Variants in AGTR1 observed in about 807,000 individuals in gnomAD.
AGTR1 encodes angiotensin II receptor type 1.
A neutral mutation model predicts 19.4 loss-of-function variants in AGTR1; 16 were observed. That is an observed-to-expected ratio of 0.82 (90% CI 0.56 to 1.25). AGTR1 has a LOEUF of 1.25. Ranked by LOEUF, AGTR1 falls within the 50% of genes most tolerant of loss-of-function variation. The probability of loss-of-function intolerance (pLI) is 0.00; values close to 1 mark genes in which losing one functional copy is unlikely to be tolerated. For missense variants in AGTR1, 373 were observed against 431.9 expected (o/e 0.86, Z 1.21); for synonymous variants, 153 against 154.9 (o/e 0.99, Z 0.09).
intron 2 of AGTR1, among the ~76,000 whole-genome samples, chr3:148,717,726 G>A (rs1018956908): frequency 6.6e-6 from 1 of 152,070 alleles, no homozygotes; most frequent in Non-Finnish European, 1.5e-5. Context: ...ACCAGCCATC[G>A]GCAGAAATGT....
chr3:148,728,264 C>G (rs926261569), intron 2 of AGTR1, among the ~76,000 whole-genome samples: 1 of 152,108 alleles, frequency 6.6e-6, no homozygotes, highest in African/African-American at 2.4e-5. Context: ...TCATAGGTCT[C>G]TTGTAGAAAT....
At chr3:148,717,352 C>T (rs1713362713) in intron 2 of AGTR1, among the ~76,000 whole-genome samples, 1 of 152,052 alleles carries the variant, frequency 6.6e-6, no homozygotes, top group Non-Finnish European at 1.5e-5. Context: ...TTTACAGAAA[C>T]TGAGCCTAAA....
intron 2 of AGTR1, among the ~76,000 whole-genome samples, chr3:148,732,907 A>C (rs1032059876): frequency 4.6e-4 from 69 of 149,972 alleles, no homozygotes; most frequent in Admixed American, 1.3e-3. Flanking sequence ...CGCCCGGCTA[A>C]TTTTTTGTAT....
intron 2 of AGTR1, among the ~76,000 whole-genome samples, chr3:148,738,147 C>T (rs12721234): frequency 0.017 from 2,570 of 152,136 alleles, 83 homozygotes; most frequent in African/African-American, 0.059. Flanking sequence ...CTGTCAAAGT[C>T]GAGTCAAGAG....
intron 2 of AGTR1, among the ~76,000 whole-genome samples, chr3:148,718,588 T>A (rs1243491922): frequency 1.3e-5 from 2 of 152,214 alleles, no homozygotes; most frequent in Non-Finnish European, 2.9e-5. Context: ...CTATTATAAC[T>A]TTAACCAGGC....
chr3:148,737,375 A>C (rs1444131086), intron 2 of AGTR1, among the ~76,000 whole-genome samples: 8 of 146,098 alleles, frequency 5.5e-5, no homozygotes, highest in Admixed American at 1.4e-4. Flanking sequence ...CCCTCTCCCC[A>C]CCCCCACTGC....
chr3:148,724,366 C>G (rs1713813134), intron 2 of AGTR1, among the ~76,000 whole-genome samples: 1 of 152,058 alleles, frequency 6.6e-6, no homozygotes, highest in African/African-American at 2.4e-5. Flanking sequence ...CAAGGACTCT[C>G]TTATGAATCT....
intron 2 of AGTR1, among the ~76,000 whole-genome samples, chr3:148,730,675 A>G (rs1714204492): frequency 6.6e-6 from 1 of 152,182 alleles, no homozygotes; most frequent in Admixed American, 6.5e-5. Flanking sequence ...GTGCTTTTCA[A>G]ATATTAGTGT....
At chr3:148,740,017 C>T (rs1009643373) in intron 2 of AGTR1, 265 of 1,202,414 alleles carry the variant, frequency 2.2e-4, no homozygotes, top group Non-Finnish European at 2.7e-4. Context: ...GGACTGTTAT[C>T]CAGGGCAGAA....
chr3:148,698,932 C>G (rs12721326), intron 1 of AGTR1, among the ~76,000 whole-genome samples: 6,465 of 152,142 alleles, frequency 0.042, 451 homozygotes, highest in African/African-American at 0.15. Flanking sequence ...TGCCAGCCTG[C>G]TATAGTCTCC....
intron 1 of AGTR1, among the ~76,000 whole-genome samples, chr3:148,703,927 CTTT>C (rs12695874): frequency 0.015 from 2,217 of 152,162 alleles, 43 homozygotes; most frequent in African/African-American, 0.05. Flanking sequence ...GAAATTCCTT[CTTT>C]AACTGTTTGA....
chr3:148,714,215 G>C (rs1713158139), intron 2 of AGTR1, among the ~76,000 whole-genome samples: 1 of 152,250 alleles, frequency 6.6e-6, no homozygotes, highest in Non-Finnish European at 1.5e-5. Context: ...AGACAAAAAT[G>C]CTTGGCCTCA....
intron 2 of AGTR1, among the ~76,000 whole-genome samples, chr3:148,731,809 T>A (rs796203779): frequency 8.0e-4 from 122 of 152,362 alleles, no homozygotes; most frequent in African/African-American, 2.7e-3. Context: ...TTTACAGCAT[T>A]TTTATGTTAA....
chr3:148,707,080 T>C (rs1472877476), intron 1 of AGTR1, among the ~76,000 whole-genome samples: 1 of 152,074 alleles, frequency 6.6e-6, no homozygotes, highest in Non-Finnish European at 1.5e-5. Context: ...ACTGGTTAAA[T>C]AAACTATGTG....
intron 2 of AGTR1, among the ~76,000 whole-genome samples, chr3:148,723,112 G>A (rs1333927605): frequency 2.0e-5 from 3 of 152,132 alleles, no homozygotes; most frequent in Non-Finnish European, 4.4e-5. Flanking sequence ...TATTCATCCA[G>A]GATTAATCCT....
In AGTR1 at chr3:148,742,179, A is replaced by C; in HGVS notation, c.*64A>C. On this transcript the variant is annotated 3_prime_UTR_variant, in exon 3 of 3. Transcript: ENST00000349243. ...AAGGAGCAAGAGAACATTCCTCTGC[A>C]GCACTTCACTACCAAATGAGCATTA... 1 of 1,586,872 alleles carries C rather than the reference A, an allele frequency of 6.3e-7. No individual in the cohort carries two copies. Among genetic ancestry groups the C allele is most frequent in the Non-Finnish European group, 8.7e-7 (1 of 1,155,522 alleles).
intron 2 of AGTR1, among the ~76,000 whole-genome samples, chr3:148,728,006 C>T (rs1714052330): frequency 6.6e-6 from 1 of 152,020 alleles, no homozygotes; most frequent in Non-Finnish European, 1.5e-5. Flanking sequence ...GCTAGTAATA[C>T]CCCCCACACC....
At chr3:148,738,244 A>G (rs1714681517) in intron 2 of AGTR1, among the ~76,000 whole-genome samples, 1 of 151,924 alleles carries the variant, frequency 6.6e-6, no homozygotes, top group Non-Finnish European at 1.5e-5. Context: ...ACTCCCTTCT[A>G]TTTTTTACTG....
At chr3:148,699,631 G>T (rs557683347) in intron 1 of AGTR1, among the ~76,000 whole-genome samples, 42 of 152,206 alleles carry the variant, frequency 2.8e-4, no homozygotes, top group African/African-American at 4.1e-4. Context: ...TGCCCATAAG[G>T]TTCCCTCCAG....
Sources: allele counts gnomAD v4.1 joint callset (sites outside exome capture counted in the v4.1 genomes callset), GRCh38; gene constraint gnomAD v4.1.1; transcripts MANE v1.5; gene names NCBI Gene and HGNC (gene_info 2026-07-23, HGNC 2026-07-21).